Variants in SNCAIP observed in about 807,000 individuals in gnomAD.
SNCAIP encodes synuclein alpha interacting protein, also known as synphilin-1.
Under a neutral mutation model 86.7 loss-of-function variants are expected in SNCAIP, and 43 were observed. The ratio of observed to expected loss-of-function variants is 0.50; its 90% confidence interval spans 0.39 to 0.64. The LOEUF (loss-of-function observed/expected upper bound fraction) is 0.64. SNCAIP is among the 30% of genes least tolerant of loss of function. The pLI, the probability that SNCAIP is intolerant of heterozygous loss-of-function variation, is 0.00. For missense variants in SNCAIP, 981 were observed against 1,103.1 expected, an observed-to-expected ratio of 0.89 and a Z score of 1.57; for synonymous variants, 417 against 427.2, an observed-to-expected ratio of 0.98 and a Z score of 0.29.
intron 3 of SNCAIP, among the ~76,000 whole-genome samples, chr5:122,422,027 A>C (rs949037327): frequency 7.6e-6 from 1 of 132,020 alleles, no homozygotes; most frequent in Admixed American, 7.6e-5. Flanking sequence ...AAAAAAAAAA[A>C]ACCACTCTGC....
intron 1 of SNCAIP, among the ~76,000 whole-genome samples, chr5:122,354,139 A>T (rs975403164): frequency 6.6e-6 from 1 of 152,200 alleles, no homozygotes; most frequent in East Asian, 1.9e-4. Context: ...CTTCCAGCTG[A>T]CACATTTACG....
At chr5:122,360,192 G>A (rs945700541) in intron 1 of SNCAIP, among the ~76,000 whole-genome samples, 3 of 152,130 alleles carry the variant, frequency 2.0e-5, no homozygotes, top group Non-Finnish European at 2.9e-5. Context: ...ATTCCTAAAC[G>A]TTTCGGAACA....
chr5:122,451,124 A>G lies in SNCAIP; in HGVS notation c.2277A>G (p.Leu759=). The G allele has an allele frequency of 6.2e-7, 1 of 1,614,190 alleles. No individual in the cohort carries two copies. The highest frequency in any genetic ancestry group is 8.5e-7 in the Non-Finnish European group (1 of 1,180,014). ...SPTSESSEPD[L]ESQYPGSGSI... The stretch of plus-strand genomic sequence containing the variant: ...CCTCAGAGAGCAGCGAACCAGACTT[A>G]GAATCCCAGTATCCAGGCTCAGGGA... Residue 759 remains leucine, a synonymous_variant, in exon 10 of 11, where the codon TTA becomes TTG. Coordinates refer to ENST00000261368, the MANE Select transcript of SNCAIP (RefSeq NM_005460.4).
At chr5:122,463,246 G>T (rs1325998428) in intron 10 of SNCAIP, among the ~76,000 whole-genome samples, 2 of 152,200 alleles carry the variant, frequency 1.3e-5, no homozygotes, top group Non-Finnish European at 2.9e-5. Context: ...GTATGGTTGA[G>T]AAATTATTTC....
intron 9 of SNCAIP, 92 bp from the exon 10 acceptor site, chr5:122,450,441 T>C (rs1783485498): frequency 1.1e-6 from 1 of 870,526 alleles, no homozygotes. Flanking sequence ...TATTTACTTA[T>C]ACATTATTAG....
At chr5:122,421,365 C>T (rs1057110399) in intron 3 of SNCAIP, among the ~76,000 whole-genome samples, 6 of 152,204 alleles carry the variant, frequency 3.9e-5, no homozygotes, top group African/African-American at 1.2e-4. Flanking sequence ...CACTCACTCT[C>T]ATCCCGTTAG....
At chr5:122,340,333 A>G (rs1339329832) in intron 1 of SNCAIP, among the ~76,000 whole-genome samples, 6 of 152,214 alleles carry the variant, frequency 3.9e-5, no homozygotes, top group Admixed American at 1.3e-4. Context: ...ACTATGTAGT[A>G]CTGTCCCCTC....
chr5:122,463,645 G>C lies in SNCAIP; in HGVS notation c.*149G>C, dbSNP rs539092205. The C allele has an allele frequency of 1.3e-6, 1 of 762,678 alleles. No individual in the cohort carries two copies. The highest frequency in any genetic ancestry group is 1.8e-5 in the African/African-American group (1 of 56,854). 47.2% of individuals were successfully genotyped at this position (762,678 alleles called of 1,614,324 possible). ...TGGAAATTTCTGGACTATCCTCTTTGGAAAGAGAACCATGAAAACAATGCC... is the reference window on the plus strand; with the variant it reads ...TGGAAATTTCTGGACTATCCTCTTTCGAAAGAGAACCATGAAAACAATGCC... On this transcript the variant is annotated 3_prime_UTR_variant, in exon 11 of 11. Coordinates refer to ENST00000261368, the MANE Select transcript of SNCAIP (RefSeq NM_005460.4).
chr5:122,313,331 G>A (rs777879794), intron 1 of SNCAIP, among the ~76,000 whole-genome samples: 1 of 152,224 alleles, frequency 6.6e-6, no homozygotes, highest in Non-Finnish European at 1.5e-5. Context: ...GGACAGTCTC[G>A]CCACACACCA....
At chr5:122,358,820 AG>A (rs1447297010) in intron 1 of SNCAIP, among the ~76,000 whole-genome samples, 1 of 152,172 alleles carries the variant, frequency 6.6e-6, no homozygotes. Context: ...GTTGATTAAA[AG>A]CAGCACCCTC....
chr5:122,444,354 GC>G, intron 7 of SNCAIP: 2 of 615,892 alleles, frequency 3.2e-6, no homozygotes, highest in Non-Finnish European at 3.0e-6. Context: ...CTCCTTCCCA[GC>G]CCCCTCCTTA....
At chr5:122,430,066 C>A (rs952831299) in intron 5 of SNCAIP, among the ~76,000 whole-genome samples, 1 of 152,094 alleles carries the variant, frequency 6.6e-6, no homozygotes, top group African/African-American at 2.4e-5. Flanking sequence ...ATAGAATCTG[C>A]ATGTGAATAG....
intron 1 of SNCAIP, chr5:122,336,692 C>G (rs1756530018): frequency 6.6e-6 from 1 of 152,368 alleles, no homozygotes; most frequent in African/African-American, 2.4e-5. Flanking sequence ...CCTCAAACTT[C>G]TAGACTTCAG....
chr5:122,461,311 G>T (rs1206308206), intron 10 of SNCAIP, among the ~76,000 whole-genome samples: 4 of 152,180 alleles, frequency 2.6e-5, no homozygotes, highest in South Asian at 4.2e-4. Context: ...CATGATGTGG[G>T]TCTGTTTTCA....
intron 5 of SNCAIP, among the ~76,000 whole-genome samples, chr5:122,430,106 A>G (rs3811891): frequency 0.21 from 32,173 of 152,146 alleles, 4,067 homozygotes; most frequent in South Asian, 0.32. Flanking sequence ...AATGGAATAA[A>G]ATGAAGAATG....
At chr5:122,330,356 C>G (rs1187680465) in intron 1 of SNCAIP, among the ~76,000 whole-genome samples, 2 of 151,954 alleles carry the variant, frequency 1.3e-5, no homozygotes, top group Non-Finnish European at 2.9e-5. Context: ...CTCCTGACCT[C>G]GTGATCCGCC....
intron 10 of SNCAIP, among the ~76,000 whole-genome samples, chr5:122,461,546 ATC>A (rs1159181287): frequency 9.2e-5 from 14 of 151,858 alleles, no homozygotes; most frequent in Non-Finnish European, 1.8e-4. Context: ...TCTAGTTTGA[ATC>A]TCTAATATAT....
chr5:122,312,718 A>T (rs1318276429), intron 1 of SNCAIP: 1 of 152,248 alleles, frequency 6.6e-6, no homozygotes, highest in Admixed American at 6.5e-5. Context: ...TAACAACGGT[A>T]ATAATAGCTG....
chr5:122,382,434 A>G (rs1767050929), intron 1 of SNCAIP, among the ~76,000 whole-genome samples: 1 of 152,114 alleles, frequency 6.6e-6, no homozygotes, highest in Non-Finnish European at 1.5e-5. Context: ...TATTCTAGTT[A>G]TACATTCTTC....
Sources: allele counts gnomAD v4.1 joint callset (sites outside exome capture counted in the v4.1 genomes callset), GRCh38; gene constraint gnomAD v4.1.1; transcripts MANE v1.5; gene names NCBI Gene and HGNC (gene_info 2026-07-23, HGNC 2026-07-21).